Variants in RFX3 observed in about 807,000 individuals in gnomAD.
RFX3 encodes transcription factor RFX3.
Under a neutral mutation model 98.6 loss-of-function variants are expected in RFX3, and 14 were observed. That is an observed-to-expected ratio of 0.14 (90% CI 0.09 to 0.22). The LOEUF is 0.22. Among genes scored for constraint, RFX3 ranks in the 10% least tolerant of loss-of-function variants. The pLI, the probability that RFX3 is intolerant of heterozygous loss-of-function variation, is 1.00. For synonymous variants in RFX3, 383 were observed against 328.4 expected (o/e 1.17, Z -1.80); for missense variants, 639 against 926.9 (o/e 0.69, Z 4.03).
chr9:3,497,758 G>A (rs1021661595), intron 1 of RFX3, among the ~76,000 whole-genome samples: 1 of 151,956 alleles, frequency 6.6e-6, no homozygotes, highest in Non-Finnish European at 1.5e-5. Flanking sequence ...TATGCCATAA[G>A]CTTGCTTAAA....
chr9:3,518,363 G>A (rs1818380326), intron 1 of RFX3, among the ~76,000 whole-genome samples: 1 of 152,182 alleles, frequency 6.6e-6, no homozygotes, highest in Non-Finnish European at 1.5e-5. Flanking sequence ...TAAGCTGAGA[G>A]TCAGTCTAAT....
chr9:3,505,012 TAATAA>T (rs1393849471), intron 1 of RFX3, among the ~76,000 whole-genome samples: 3 of 76,188 alleles, frequency 3.9e-5, no homozygotes, highest in African/African-American at 1.2e-4. Context: ...ATAAAATGTA[TAATAA>T]AATATTTTAA....
rs148386865 is a variant in RFX3 at position 3,294,560 on chromosome 9, A to G, written c.550-1302T>C. Among the ~76,000 whole-genome samples, 929 of 152,266 alleles carry G rather than the reference A, an allele frequency of 6.1e-3. 3 individuals are homozygous for G. The highest frequency in any genetic ancestry group is 9.9e-3 in the Non-Finnish European group (671 of 67,968). On this transcript the variant is annotated intron_variant, in intron 5 of 16. Transcript: ENST00000617270. Reference sequence around the variant, plus strand: ...TAAAAAATTTCTCCATTTTACTTACATATTTTAAGATTTGCAATCAAACTT... The same window carrying G: ...TAAAAAATTTCTCCATTTTACTTACGTATTTTAAGATTTGCAATCAAACTT...
chr9:3,494,809 C>G (rs968871097), intron 1 of RFX3, among the ~76,000 whole-genome samples: 4 of 152,020 alleles, frequency 2.6e-5, no homozygotes, highest in African/African-American at 9.7e-5. Context: ...TGCACTCAAT[C>G]TGCTGTTTTG....
At chr9:3,374,001 C>A (rs1303543987) in intron 2 of RFX3, among the ~76,000 whole-genome samples, 1 of 151,966 alleles carries the variant, frequency 6.6e-6, no homozygotes, top group Non-Finnish European at 1.5e-5. Flanking sequence ...TCGCTTGAAC[C>A]CGAGAGGCAG....
intron 1 of RFX3, among the ~76,000 whole-genome samples, chr9:3,402,391 AC>A (rs1212219424): frequency 1.3e-5 from 2 of 152,148 alleles, no homozygotes; most frequent in Non-Finnish European, 2.9e-5. Context: ...GCATAGAAAG[AC>A]AAAAGGTGCT....
chr9:3,275,831 A>G (rs1288593969), intron 8 of RFX3, among the ~76,000 whole-genome samples: 1 of 152,152 alleles, frequency 6.6e-6, no homozygotes, highest in African/African-American at 2.4e-5. Flanking sequence ...AATTTTCTAG[A>G]AACAAAATTT....
At chr9:3,505,212 GAATATATATTTATATAT>G (rs1816829135) in intron 1 of RFX3, among the ~76,000 whole-genome samples, 1 of 50,942 alleles carries the variant, frequency 2.0e-5, no homozygotes, top group Non-Finnish European at 2.9e-5. Context: ...ATATATATAT[GAATATATATTTATATAT>G]GAATATATAT....
intron 1 of RFX3, among the ~76,000 whole-genome samples, chr9:3,426,355 A>C (rs1464245501): frequency 1.3e-5 from 2 of 151,564 alleles, no homozygotes; most frequent in Non-Finnish European, 2.9e-5. Flanking sequence ...ACAAACATCC[A>C]ATACCCTTCT....
At chr9:3,472,890 G>A (rs1848899077) in intron 1 of RFX3, among the ~76,000 whole-genome samples, 1 of 152,202 alleles carries the variant, frequency 6.6e-6, no homozygotes, top group African/African-American at 2.4e-5. Context: ...ATGTTGCACA[G>A]CAGTATTATG....
intron 2 of RFX3, among the ~76,000 whole-genome samples, chr9:3,389,880 G>A (rs922501580): frequency 9.2e-5 from 14 of 152,100 alleles, no homozygotes; most frequent in Admixed American, 4.6e-4. Flanking sequence ...AGTAATATTC[G>A]CCCTGTACAT....
chr9:3,353,067 AATC>A lies in RFX3; in HGVS notation c.118-6306_118-6304del, dbSNP rs796236090. ...TTGTAGGGACATGGATGAAACTGGAAATCATCATTCTCAGCAAACTATCGCAAG... is the reference window on the plus strand; with the variant it reads ...TTGTAGGGACATGGATGAAACTGGAAATCATTCTCAGCAAACTATCGCAAG... On this transcript the variant is annotated intron_variant, in intron 2 of 16. Coordinates refer to ENST00000617270, the MANE Select transcript of RFX3 (RefSeq NM_001282116.2). Among the ~76,000 whole-genome samples the A allele has an allele frequency of 7.2e-5, 11 of 152,142 alleles. 2 individuals carry two copies. The highest frequency in any genetic ancestry group is 2.6e-4 in the African/African-American group (11 of 41,512).
intron 1 of RFX3, among the ~76,000 whole-genome samples, chr9:3,449,730 G>A (rs1190445549): frequency 1.3e-5 from 2 of 152,114 alleles, no homozygotes; most frequent in South Asian, 2.1e-4. Flanking sequence ...GTGCATATCT[G>A]TAGTCCCAGC....
At chr9:3,361,367 A>G (rs1472990311) in intron 2 of RFX3, among the ~76,000 whole-genome samples, 1 of 152,164 alleles carries the variant, frequency 6.6e-6, no homozygotes, top group Non-Finnish European at 1.5e-5. Flanking sequence ...AGAGAAGTAA[A>G]AAAGTCAAAA....
chr9:3,369,026 G>A (rs1430870222), intron 2 of RFX3, among the ~76,000 whole-genome samples: 1 of 152,140 alleles, frequency 6.6e-6, no homozygotes, highest in Non-Finnish European at 1.5e-5. Context: ...AAGGAAAGGA[G>A]GCAGATACAA....
intron 5 of RFX3, among the ~76,000 whole-genome samples, chr9:3,299,446 C>A (rs1828385004): frequency 6.6e-6 from 1 of 151,664 alleles, no homozygotes; most frequent in South Asian, 2.1e-4. Context: ...TCCGTAGAAT[C>A]ATTTTTGTTT....
chr9:3,263,174 T>G (rs1823148063), intron 12 of RFX3, 90 bp from the exon 13 acceptor site: 9 of 1,367,900 alleles, frequency 6.6e-6, no homozygotes, highest in African/African-American at 2.9e-5. Context: ...TTCACAAATT[T>G]TAAATGCTTG....
intron 5 of RFX3, among the ~76,000 whole-genome samples, chr9:3,298,365 C>A (rs1376494128): frequency 6.6e-6 from 1 of 151,714 alleles, no homozygotes; most frequent in East Asian, 1.9e-4. Flanking sequence ...CTACTTGAAG[C>A]AAACTTGAAA....
In RFX3 at chr9:3,459,074, G is replaced by C. The variant is rs188570781; in HGVS notation, c.-8-63478C>G. On this transcript the variant is annotated intron_variant, in intron 1 of 16. Transcript: ENST00000617270. ...AGAAATTAAAACAATGCCCCTCTGAGTATGTCTTGGGAGCTCAGAGTAAAG... is the reference window on the plus strand; with the variant it reads ...AGAAATTAAAACAATGCCCCTCTGACTATGTCTTGGGAGCTCAGAGTAAAG... 2.6e-5 allele frequency among the ~76,000 whole-genome samples: 4 copies of C among 152,258 alleles called. No homozygotes were observed. In the East Asian group the frequency reaches 7.7e-4, roughly 29 times the overall value.
Sources: allele counts gnomAD v4.1 joint callset (sites outside exome capture counted in the v4.1 genomes callset), GRCh38; gene constraint gnomAD v4.1.1; transcripts MANE v1.5; gene names NCBI Gene and HGNC (gene_info 2026-07-23, HGNC 2026-07-21).